Variants in NELL1 observed in about 807,000 individuals in gnomAD.
NELL1 encodes the protein neural EGFL like 1, also known as protein kinase C-binding protein NELL1.
A neutral mutation model predicts 107.4 loss-of-function variants in NELL1; 76 were observed. That is an observed-to-expected ratio of 0.71 (90% CI 0.59 to 0.86). The LOEUF (loss-of-function observed/expected upper bound fraction) is 0.86. Ranked by LOEUF, NELL1 falls within the 40% of genes least tolerant of loss-of-function variation. The probability of loss-of-function intolerance (pLI) is 0.00; values close to 1 mark genes in which losing one functional copy is unlikely to be tolerated. For missense variants in NELL1, 1,024 were observed against 1,005.5 expected (o/e 1.02, Z -0.25); for synonymous variants, 353 against 341.2 (o/e 1.03, Z -0.38).
chr11:21,409,296 T>C (rs536380279), intron 15 of NELL1, among the ~76,000 whole-genome samples: 11 of 152,068 alleles, frequency 7.2e-5, no homozygotes, highest in South Asian at 4.1e-4. Flanking sequence ...ATGGATGAAA[T>C]TGGAAATCAT....
At chr11:21,166,601 A>G (rs1194082313) in intron 13 of NELL1, among the ~76,000 whole-genome samples, 3 of 151,808 alleles carry the variant, frequency 2.0e-5, no homozygotes, top group Non-Finnish European at 4.4e-5. Context: ...TGTACCCACA[A>G]AAATAAAAAA....
chr11:20,993,027 T>C (rs950018549), intron 12 of NELL1, among the ~76,000 whole-genome samples: 9 of 152,272 alleles, frequency 5.9e-5, no homozygotes, highest in Non-Finnish European at 1.3e-4. Context: ...GTTAGGCGGT[T>C]TGTGGCAATC....
At chr11:21,173,111 T>G (rs1193457595) in intron 13 of NELL1, among the ~76,000 whole-genome samples, 2 of 151,848 alleles carry the variant, frequency 1.3e-5, no homozygotes, top group African/African-American at 4.9e-5. Flanking sequence ...GCATTTCAAT[T>G]TCAACTGGAC....
intron 14 of NELL1, among the ~76,000 whole-genome samples, chr11:21,293,560 A>AC (rs1849315757): frequency 6.6e-6 from 1 of 152,184 alleles, no homozygotes; most frequent in Non-Finnish European, 1.5e-5. Context: ...ATACCATTTG[A>AC]CCCAGCAATG....
intron 2 of NELL1, among the ~76,000 whole-genome samples, chr11:20,713,852 C>A (rs1855171598): frequency 6.6e-6 from 1 of 152,252 alleles, no homozygotes; most frequent in Non-Finnish European, 1.5e-5. Context: ...CTTCCTGCTG[C>A]TGCTTCTATT....
rs190505709 is a variant in NELL1, at chr11:21,414,235, G to A, written c.1645+43287G>A. 2.1e-3 allele frequency among the ~76,000 whole-genome samples: 327 copies of A among 152,128 alleles called. 3 individuals carry two copies. The highest frequency in any genetic ancestry group is 7.5e-3 in the African/African-American group (310 of 41,522). On this transcript the variant is annotated intron_variant, in intron 15 of 19. Transcript: ENST00000357134. ...TCCAATATTTTTATGGAAGAAGAGTGGGGGAGAGGGTGGGTCAAGAAAGAA... is the reference window on the plus strand; with the variant it reads ...TCCAATATTTTTATGGAAGAAGAGTAGGGGAGAGGGTGGGTCAAGAAAGAA...
chr11:21,513,431 G>GA (rs1378109594), intron 15 of NELL1, among the ~76,000 whole-genome samples: 1 of 151,906 alleles, frequency 6.6e-6, no homozygotes, highest in African/African-American at 2.4e-5. Context: ...CTTGATATCA[G>GA]AAAAAAATAC....
chr11:20,799,523 C>T (rs1857239717), intron 3 of NELL1, among the ~76,000 whole-genome samples: 1 of 152,082 alleles, frequency 6.6e-6, no homozygotes, highest in Non-Finnish European at 1.5e-5. Context: ...TTCTAAAGGA[C>T]ATTTTAGTTC....
intron 13 of NELL1, among the ~76,000 whole-genome samples, chr11:21,125,902 A>G (rs982963075): frequency 6.6e-6 from 1 of 152,228 alleles, no homozygotes; most frequent in African/African-American, 2.4e-5. Context: ...GTATTTATTC[A>G]TAGCACCAAC....
chr11:21,321,738 C>T (rs1189815648), intron 14 of NELL1, among the ~76,000 whole-genome samples: 1 of 152,114 alleles, frequency 6.6e-6, no homozygotes, highest in African/African-American at 2.4e-5. Flanking sequence ...AGTGGCAGAA[C>T]CAGGACTCCT....
intron 7 of NELL1, among the ~76,000 whole-genome samples, chr11:20,921,143 T>C (rs1426536951): frequency 6.6e-6 from 1 of 152,122 alleles, no homozygotes; most frequent in Non-Finnish European, 1.5e-5. Flanking sequence ...TTAAGTATAA[T>C]AATTTAAATT....
intron 15 of NELL1, among the ~76,000 whole-genome samples, chr11:21,493,647 A>G (rs1029789761): frequency 6.6e-6 from 1 of 152,020 alleles, no homozygotes; most frequent in African/African-American, 2.4e-5. Context: ...GAATACAAAC[A>G]TATAGTTACG....
intron 13 of NELL1, among the ~76,000 whole-genome samples, chr11:21,174,590 G>T (rs962266733): frequency 1.3e-5 from 2 of 151,786 alleles, no homozygotes; most frequent in African/African-American, 4.9e-5. Context: ...AAGAAAAACT[G>T]CTACAGTTAT....
At chr11:21,075,310 CT>C (rs1854108525) in intron 12 of NELL1, among the ~76,000 whole-genome samples, 1 of 152,180 alleles carries the variant, frequency 6.6e-6, no homozygotes, top group African/African-American at 2.4e-5. Context: ...CTCCATGTAT[CT>C]TCCTTAAAGG....
intron 17 of NELL1, among the ~76,000 whole-genome samples, chr11:21,560,905 T>C (rs1328182195): frequency 6.9e-6 from 1 of 145,170 alleles, no homozygotes; most frequent in Non-Finnish European, 1.5e-5. Context: ...ATGTCTTCTT[T>C]GTTATTCTCA....
At chr11:21,094,040 C>G (rs902061832) in intron 12 of NELL1, among the ~76,000 whole-genome samples, 2 of 152,154 alleles carry the variant, frequency 1.3e-5, no homozygotes, top group Non-Finnish European at 2.9e-5. Context: ...TGAGACAAGA[C>G]AAGTCCTTTC....
intron 13 of NELL1, among the ~76,000 whole-genome samples, chr11:21,118,748 C>T (rs1440755989): frequency 2.0e-5 from 3 of 152,030 alleles, no homozygotes; most frequent in Non-Finnish European, 4.4e-5. Flanking sequence ...TACCTGCTGA[C>T]GCTGTTCAGC....
chr11:20,997,571 C>A (rs1453746745), intron 12 of NELL1, among the ~76,000 whole-genome samples: 2 of 152,084 alleles, frequency 1.3e-5, no homozygotes, highest in African/African-American at 4.8e-5. Context: ...GACAAACTCA[C>A]CATGGTATAT....
chr11:21,556,271 G>T (rs1442449331), intron 16 of NELL1, among the ~76,000 whole-genome samples: 1 of 151,880 alleles, frequency 6.6e-6, no homozygotes, highest in Non-Finnish European at 1.5e-5. Context: ...TTTTGTTTCT[G>T]ACACATCACC....
Sources: gnomAD v4.1 joint callset for allele counts (sites outside exome capture counted in the v4.1 genomes callset) on GRCh38, gnomAD v4.1.1 for gene constraint, MANE v1.5 for transcripts, NCBI Gene and HGNC (gene_info 2026-07-23, HGNC 2026-07-21) for gene names.